Variants in MAPK8IP2 observed in about 807,000 individuals in gnomAD.
MAPK8IP2 encodes mitogen-activated protein kinase 8 interacting protein 2.
A neutral mutation model predicts 75.6 loss-of-function variants in MAPK8IP2; 15 were observed. The ratio of observed to expected loss-of-function variants is 0.20; its 90% CI spans 0.13 to 0.31. The LOEUF (loss-of-function observed/expected upper bound fraction) is 0.31. MAPK8IP2 is among the 10% of genes least tolerant of loss of function. The pLI, the probability that MAPK8IP2 is intolerant of heterozygous loss-of-function variation, is 1.00. For missense variants in MAPK8IP2, 1,089 were observed against 1,211.2 expected (o/e 0.90, Z 1.50); for synonymous variants, 632 against 554.5 (o/e 1.14, Z -1.96).
At chr22:50,603,523 C>G in intron 3 of MAPK8IP2, 25 bp downstream of exon 3, 1 of 1,570,750 alleles carries the variant, frequency 6.4e-7, no homozygotes, top group South Asian at 1.2e-5. Flanking sequence ...CCACAGCTCC[C>G]TGGAGCTGAG....
chr22:50,604,007 G>C lies in MAPK8IP2; in HGVS notation c.708G>C (p.Ser236=). 1 of 1,557,940 alleles carries C rather than the reference G, an allele frequency of 6.4e-7. No homozygotes were observed. Among genetic ancestry groups the C allele is most frequent in the Non-Finnish European group, 8.6e-7 (1 of 1,159,668 alleles). ...TCGAGGCTGACCTGAGAAGCCGCTCGAGCGGCGGCCGCGGGGGACGTCGCA... is the reference window on the plus strand; with the variant it reads ...TCGAGGCTGACCTGAGAAGCCGCTCCAGCGGCGGCCGCGGGGGACGTCGCA... ...PGIEADLRSR[S]SGGRGGRRSS... is the part of the protein sequence containing the mutation. Residue 236 remains serine (S), a synonymous_variant, in exon 5 of 12, where the codon TCG becomes TCC. Transcript: ENST00000329492.
chr22:50,608,246 C>T (rs956935185), intron 10 of MAPK8IP2, among the ~76,000 whole-genome samples: 1 of 152,168 alleles, frequency 6.6e-6, no homozygotes, highest in African/African-American at 2.4e-5. Context: ...AAACGCTGCT[C>T]AGTGGGGTGG....
In MAPK8IP2 at chr22:50,609,722, C is replaced by T. The variant is rs149970240; in HGVS notation, c.2304-490C>T. The T allele has an allele frequency of 3.3e-4, 166 of 509,998 alleles. 1 individual carries two copies. The East Asian group carries it at 5.4e-3, about 17-fold the overall frequency. 31.6% of individuals were successfully genotyped at this position (509,998 alleles called of 1,614,324 possible). ...GGCAGTGACTCCATGAGCGAGGCCCCGCAAGGAGCTGCTTTCCAGTGGGAG... is the reference window on the plus strand; with the variant it reads ...GGCAGTGACTCCATGAGCGAGGCCCTGCAAGGAGCTGCTTTCCAGTGGGAG... On this transcript the variant is annotated intron_variant, in intron 10 of 11. Coordinates refer to ENST00000329492, the MANE Select transcript of MAPK8IP2 (RefSeq NM_012324.6).
rs944105061 is a variant in MAPK8IP2 at position 50,611,887 on chromosome 22, C to T, written c.*1108C>T. On this transcript the variant is annotated 3_prime_UTR_variant, in exon 12 of 12. Transcript: ENST00000329492. The surrounding 1 kb of genome is among the most constrained non-coding windows in gnomAD (Gnocchi z 5.5). ...GGGCATGAACTCCTTGAAGAACAAT[C>T]TGGCCGGGCACGGTGGCTCACGCTT... is the stretch of plus-strand genomic sequence containing the variant. 25 of 152,224 alleles carry T rather than the reference C, an allele frequency of 1.6e-4. No individual in the cohort carries two copies. The highest frequency in any genetic ancestry group is 6.0e-4 in the African/African-American group (25 of 41,418). The allele number at this position is 152,224 out of a possible 1,614,324, so 9.4% of individuals were successfully genotyped here. A position where few individuals can be genotyped will look rare whatever the true frequency, so the allele number is the denominator to read the frequency against.
chr22:50,609,994 TAACTC>T, intron 10 of MAPK8IP2: 1 of 726,512 alleles, frequency 1.4e-6, no homozygotes, highest in East Asian at 2.6e-5. Flanking sequence ...ATCATGGAAT[TAACTC>T]AGAGCGTGAA....
chr22:50,605,997 A>C, intron 8 of MAPK8IP2, 63 bp downstream of exon 8: 9 of 1,274,748 alleles, frequency 7.1e-6, no homozygotes, highest in Non-Finnish European at 9.9e-6. Context: ...CCAGCACTGC[A>C]GGCTGGCACA....
In MAPK8IP2 at chr22:50,603,938, AC is replaced by A. The variant is rs35944996; in HGVS notation, c.644del (p.Pro215LeufsTer18). 1 of 1,540,562 alleles carries A rather than the reference AC, an allele frequency of 6.5e-7. No individual in the cohort carries two copies. ...ACTGCGAAGGGAACCGGCCTGCGGA[AC>A]CCCCTGCGCCAGGGGGGACTTCGCC... The part of the protein sequence containing the change: ...CDCEGNRPAE[P>X]PAPGGTSPSS... On this transcript the variant is annotated frameshift_variant, in exon 5 of 12. Coordinates refer to ENST00000329492, the MANE Select transcript of MAPK8IP2 (RefSeq NM_012324.6). LOFTEE classifies it high-confidence loss of function.
rs1349066757 is a variant in MAPK8IP2, at chr22:50,604,794, C to CCGCGGGACGCGT, written c.1499_1510dup (p.Arg500_Ser503dup). On this transcript the variant is annotated inframe_insertion, in exon 5 of 12. Transcript: ENST00000329492. ...GGGCAGGGGCACGGGCCCCTCGGCG[C>CCGCGGGACGCGT]CGCGGGACGCGTCGCTGGTGTACGA... 2.6e-6 allele frequency: 4 copies of CCGCGGGACGCGT among 1,547,912 alleles called. No individual in the cohort carries two copies. The East Asian group carries it at 7.3e-5, about 28-fold the overall frequency.
Position 50,605,036 on chromosome 22 carries a change from C to T in MAPK8IP2, c.1737C>T (p.Val579=), listed in dbSNP as rs746098982. 5.6e-6 allele frequency: 9 copies of T among 1,612,464 alleles called. No homozygotes were observed. The South Asian group carries it at 9.9e-5, about 18-fold the overall frequency. The change falls in exon 5 of 12, where the codon GTC becomes GTT. Residue 579 remains valine, a synonymous_variant. Coordinates refer to ENST00000329492, the MANE Select transcript of MAPK8IP2 (RefSeq NM_012324.6). ...CTTTCTCCAAGAAGTTCCTCAATGT[C>T]TTCGTCAACAGCACATCTCGGTCCT... The part of the protein sequence containing the change: ...DLTFSKKFLN[V]FVNSTSRSSS...
At position 50,601,785 on chromosome 22, in the gene MAPK8IP2, C is replaced by G. The variant is rs1337608043; in HGVS notation, c.66-4C>G. 1 of 1,612,748 alleles carries G rather than the reference C, an allele frequency of 6.2e-7. No homozygotes were observed. The highest frequency in any genetic ancestry group is 2.2e-5 in the East Asian group (1 of 44,880). On this transcript the variant is annotated splice_region_variant and splice_polypyrimidine_tract_variant and intron_variant, in intron 1 of 11. Transcript: ENST00000329492. ...TGGCTCTCTGACCCTGGTCTCCTTT[C>G]CAGGCCTCCCCAGGACATAAGCCTG...
Position 50,612,259 on chromosome 22 carries a change from C to A in MAPK8IP2, c.*1480C>A, listed in dbSNP as rs939975348. 2 of 152,072 alleles carry A rather than the reference C, an allele frequency of 1.3e-5. No homozygotes were observed. The highest frequency in any genetic ancestry group is 4.8e-5 in the African/African-American group (2 of 41,394). The allele number at this position is 152,072 out of a possible 1,614,324, so 9.4% of individuals were successfully genotyped here. ...GAGAAAGCCAGAAGAAAATAGGTGA[C>A]TTTTTCACTATGTGCTTAGGTGACT... is the stretch of plus-strand genomic sequence containing the variant. On this transcript the variant is annotated 3_prime_UTR_variant, in exon 12 of 12. Transcript: ENST00000329492.
chr22:50,601,486 C>G, intron 1 of MAPK8IP2: 1 of 347,714 alleles, frequency 2.9e-6, no homozygotes, highest in South Asian at 3.5e-5. Flanking sequence ...CTGCAAGACC[C>G]TGACCCCAGG....
chr22:50,609,568 C>T, intron 10 of MAPK8IP2: 2 of 356,794 alleles, frequency 5.6e-6, no homozygotes, highest in South Asian at 4.1e-5. Flanking sequence ...GCCCCGAAGC[C>T]ATGGGGGAAT....
intron 8 of MAPK8IP2, 119 bp from the exon 9 acceptor site, chr22:50,606,539 C>A: frequency 1.3e-6 from 1 of 744,398 alleles, no homozygotes; most frequent in Non-Finnish European, 2.4e-6. Flanking sequence ...ATCTCAGGGT[C>A]CTCAGCATGT....
At chr22:50,603,112 G>GTGT in intron 2 of MAPK8IP2, 111 bp from the exon 3 acceptor site, 1 of 1,586,798 alleles carries the variant, frequency 6.3e-7, no homozygotes, top group African/African-American at 1.3e-5. Flanking sequence ...GAGTGAGCTG[G>GTGT]AAGGGGCTCT....
At chr22:50,605,518 G>T (rs369644120) in intron 6 of MAPK8IP2, 44 bp from the exon 7 acceptor site, 1 of 1,591,156 alleles carries the variant, frequency 6.3e-7, no homozygotes, top group South Asian at 1.1e-5. Flanking sequence ...GGACACGACC[G>T]TCAATCCCGC....
At chr22:50,601,260 G>A (rs73445565) in intron 1 of MAPK8IP2, 8,482 of 155,418 alleles carry the variant, frequency 0.055, 323 homozygotes, top group African/African-American at 0.1. Context: ...TCTTTCAGTG[G>A]ACGCCAGACC....
rs537688877 is a variant in MAPK8IP2, at chr22:50,610,356, C to T, written c.2402+46C>T. On this transcript the variant is annotated intron_variant, in intron 11 of 11. Coordinates refer to ENST00000329492, the MANE Select transcript of MAPK8IP2 (RefSeq NM_012324.6). The surrounding 1 kb of genome is among the most constrained non-coding windows in gnomAD (Gnocchi z 4.3). ...TGGGTGCAGAATGGGTGCAGGGTTA[C>T]GGAGGTGGGGAGCGGAGGTGAGCAG... 8.0e-5 allele frequency: 119 copies of T among 1,489,838 alleles called. 1 individual carries two copies. The highest frequency in any genetic ancestry group is 4.4e-4 in the Admixed American group (23 of 51,752). The allele number at this position is 1,489,838 out of a possible 1,614,324, so 92.3% of individuals were successfully genotyped here. A position where few individuals can be genotyped will look rare whatever the true frequency, so the allele number is the denominator to read the frequency against.
intron 10 of MAPK8IP2, among the ~76,000 whole-genome samples, chr22:50,608,862 C>T (rs1444004942): frequency 6.6e-6 from 1 of 150,636 alleles, no homozygotes; most frequent in African/African-American, 2.4e-5. Flanking sequence ...GCTCTGGGGT[C>T]ACTGGGACAG....
Sources: allele counts gnomAD v4.1 joint callset (sites outside exome capture counted in the v4.1 genomes callset), GRCh38; gene constraint gnomAD v4.1.1; non-coding constraint Gnocchi (gnomAD v3.1); transcripts MANE v1.5; gene names NCBI Gene and HGNC (gene_info 2026-07-23, HGNC 2026-07-21).